RUNX2: variants seen among roughly 807,000 people sequenced by gnomAD.
The protein encoded by RUNX2 is RUNX family transcription factor 2.
Under a neutral mutation model 51.7 loss-of-function variants are expected in RUNX2, and 10 were observed. The ratio of observed to expected loss-of-function variants is 0.19; its 90% confidence interval spans 0.12 to 0.33. RUNX2 has a LOEUF of 0.33. Among genes scored for constraint, RUNX2 ranks in the 10% least tolerant of loss-of-function variants. RUNX2 has a pLI of 1.00. For missense variants in RUNX2, 562 were observed against 691.3 expected (o/e 0.81, Z 2.10); for synonymous variants, 276 against 273.6 (o/e 1.01, Z -0.09).
chr6:45,479,100 G>A (rs934140890), intron 5 of RUNX2, among the ~76,000 whole-genome samples: 8 of 152,072 alleles, frequency 5.3e-5, no homozygotes, highest in African/African-American at 1.7e-4. Context: ...GAGACATTAG[G>A]CAAGTTAAAT....
At chr6:45,519,790 A>ATGTGTGTG (rs35210688) in intron 7 of RUNX2, among the ~76,000 whole-genome samples, 42 of 124,086 alleles carry the variant, frequency 3.4e-4, no homozygotes, top group East Asian at 6.5e-4. Context: ...ATATATATAT[A>ATGTGTGTG]TGTGTGTGTG....
intron 5 of RUNX2, among the ~76,000 whole-genome samples, chr6:45,467,125 C>T (rs1799656918): frequency 6.6e-6 from 1 of 152,158 alleles, no homozygotes; most frequent in Non-Finnish European, 1.5e-5. Flanking sequence ...CTCTGGCCGA[C>T]TTTCAGTCCT....
intron 2 of RUNX2, among the ~76,000 whole-genome samples, chr6:45,342,133 G>A (rs1789906105): frequency 6.6e-6 from 1 of 152,132 alleles, no homozygotes; most frequent in African/African-American, 2.4e-5. Context: ...ACTTAGGACA[G>A]AATGGTTGAT....
In RUNX2 at chr6:45,549,358, G is replaced by C. The variant is rs1237365685; in HGVS notation, c.*2053G>C. ...CACCCAGCATTGCAGGACAGCGTGT[G>C]GGGCAGCTGGACCTGTGCTTCCTGC... On this transcript the variant is annotated 3_prime_UTR_variant, in exon 9 of 9. Coordinates refer to ENST00000647337, the MANE Select transcript of RUNX2 (RefSeq NM_001024630.4). The C allele has an allele frequency of 1.0e-5, 4 of 398,458 alleles. No individual in the cohort carries two copies. Among genetic ancestry groups the C allele is most frequent in the Non-Finnish European group, 1.8e-5 (4 of 226,060 alleles). 24.7% of individuals were successfully genotyped at this position (398,458 alleles called of 1,614,324 possible). A position where few individuals can be genotyped will look rare whatever the true frequency, so the allele number is the denominator to read the frequency against.
rs1582191853 is a variant in RUNX2, at chr6:45,512,377, G to T, written c.991G>T (p.Ala331Ser). 1.2e-6 allele frequency: 2 copies of T among 1,614,026 alleles called. No individual in the cohort carries two copies. Among genetic ancestry groups the T allele is most frequent in the Middle Eastern group, 1.7e-4 (1 of 6,058 alleles). Residue 331 changes from alanine (A) to serine (S), a missense_variant, in exon 7 of 9, where the codon GCC becomes TCC. Transcript: ENST00000647337. Reference protein sequence around the residue: ...LSSTRGTGLPAITDVPRRISD... With the variant: ...LSSTRGTGLPSITDVPRRISD... ...TTCCACACGGGGCACTGGGCTTCCT[G>T]CCATCACCGATGTGCCTAGGCGCAT...
chr6:45,427,574 A>T (rs1167358450), intron 3 of RUNX2, among the ~76,000 whole-genome samples: 1 of 152,112 alleles, frequency 6.6e-6, no homozygotes. Context: ...TGCTTTTTGC[A>T]ATTAGTCTCA....
chr6:45,419,212 A>G (rs1798124261), intron 2 of RUNX2, among the ~76,000 whole-genome samples: 1 of 152,184 alleles, frequency 6.6e-6, no homozygotes, highest in Non-Finnish European at 1.5e-5. Context: ...TCTCTGTTCT[A>G]TGGACTTCCT....
rs562352441 is a variant in RUNX2, at chr6:45,365,416, ATT to A, written c.58+36634_58+36635del. ...AAAGTAGAGAAAATTTAAATTTCTG[ATT>A]TGTTTTGCACAAAACTGATTCACTT... is the stretch of plus-strand genomic sequence containing the variant. On this transcript the variant is annotated intron_variant, in intron 2 of 8. Transcript: ENST00000647337. 2,939 of 692,830 alleles carry A rather than the reference ATT, an allele frequency of 4.2e-3. 18 individuals are homozygous for A. The highest frequency in any genetic ancestry group is 5.4e-3 in the Non-Finnish European group (2,292 of 427,612). The allele number at this position is 692,830 out of a possible 1,614,324, so 42.9% of individuals were successfully genotyped here. A position where few individuals can be genotyped will look rare whatever the true frequency, so the allele number is the denominator to read the frequency against.
intron 5 of RUNX2, among the ~76,000 whole-genome samples, chr6:45,457,227 T>C (rs974776890): frequency 1.2e-4 from 18 of 152,138 alleles, no homozygotes; most frequent in Admixed American, 7.2e-4. Flanking sequence ...AAAAGAGATA[T>C]GTAGAAAAAA....
chr6:45,495,723 C>T (rs572884340), intron 6 of RUNX2, among the ~76,000 whole-genome samples: 6 of 152,260 alleles, frequency 3.9e-5, no homozygotes, highest in South Asian at 2.1e-4. Flanking sequence ...AGGCAGAAGA[C>T]GTCTTTAAAC....
At chr6:45,418,741 G>C (rs1002713467) in intron 2 of RUNX2, among the ~76,000 whole-genome samples, 1 of 152,156 alleles carries the variant, frequency 6.6e-6, no homozygotes, top group Non-Finnish European at 1.5e-5. Context: ...GCAAAAGGAT[G>C]TTTTTGAAAG....
chr6:45,443,468 G>A (rs182533243), intron 5 of RUNX2, among the ~76,000 whole-genome samples: 3 of 152,142 alleles, frequency 2.0e-5, no homozygotes, highest in Admixed American at 2.0e-4. Context: ...AACCACCAAT[G>A]GTGTGAATGT....
At chr6:45,422,253 A>C in intron 2 of RUNX2, 1 of 289,870 alleles carries the variant, frequency 3.4e-6, no homozygotes, top group East Asian at 1.2e-4. Context: ...CTGCAAACTC[A>C]AGTCCCCCGC....
At chr6:45,405,448 C>T (rs1797812335) in intron 2 of RUNX2, among the ~76,000 whole-genome samples, 1 of 152,202 alleles carries the variant, frequency 6.6e-6, no homozygotes, top group Admixed American at 6.5e-5. Context: ...TTGTGCACAT[C>T]TCCTTCCAAC....
chr6:45,415,158 G>A (rs945439418), intron 2 of RUNX2, among the ~76,000 whole-genome samples: 1 of 152,094 alleles, frequency 6.6e-6, no homozygotes, highest in Non-Finnish European at 1.5e-5. Context: ...TAGCATATCA[G>A]TCTAAGTCCA....
chr6:45,486,409 A>G (rs1468836330), intron 5 of RUNX2, among the ~76,000 whole-genome samples: 1 of 152,172 alleles, frequency 6.6e-6, no homozygotes, highest in Non-Finnish European at 1.5e-5. Context: ...TGACCCAAAT[A>G]TGGACATGGT....
chr6:45,534,659 C>T (rs912748617), intron 7 of RUNX2, among the ~76,000 whole-genome samples: 2 of 152,186 alleles, frequency 1.3e-5, no homozygotes, highest in Non-Finnish European at 2.9e-5. Context: ...AACCTGAACC[C>T]TCTCAGGTAA....
At chr6:45,461,337 C>T (rs547167530) in intron 5 of RUNX2, among the ~76,000 whole-genome samples, 2 of 152,248 alleles carry the variant, frequency 1.3e-5, no homozygotes, top group Non-Finnish European at 2.9e-5. Flanking sequence ...CACAGAAGTG[C>T]TCCAGTGTTG....
At chr6:45,433,486 A>G (rs1437065895) in intron 4 of RUNX2, among the ~76,000 whole-genome samples, 1 of 147,068 alleles carries the variant, frequency 6.8e-6, no homozygotes, top group Non-Finnish European at 1.6e-5. Context: ...CTTATGTAAT[A>G]ATACTTTTTT....
Sources: gnomAD v4.1 joint callset for allele counts (sites outside exome capture counted in the v4.1 genomes callset) on GRCh38, gnomAD v4.1.1 for gene constraint, MANE v1.5 for transcripts, NCBI Gene and HGNC (gene_info 2026-07-23, HGNC 2026-07-21) for gene names.